The following PCDHA12 variants were observed in gnomAD, a reference collection of about 807,000 sequenced individuals.
PCDHA12 encodes the protein protocadherin alpha-12.
PCDHA12 carries 44 observed loss-of-function variants against 60.0 expected under a neutral mutation model. The ratio of observed to expected loss-of-function variants is 0.73; its 90% confidence interval spans 0.58 to 0.94. The LOEUF (loss-of-function observed/expected upper bound fraction) is 0.94, where lower values mean the gene tolerates loss of function less well. Ranked by LOEUF, PCDHA12 falls within the 40% of genes least tolerant of loss-of-function variation. The probability of loss-of-function intolerance (pLI) is 0.00; values close to 1 mark genes in which losing one functional copy is unlikely to be tolerated. For missense variants in PCDHA12, 1,276 were observed against 1,239.7 expected (o/e 1.03, Z -0.44); for synonymous variants, 569 against 553.0 (o/e 1.03, Z -0.40).
chr5:140,917,797 C>T (rs1174581148), intron 1 of PCDHA12, among the ~76,000 whole-genome samples: 2 of 151,940 alleles, frequency 1.3e-5, no homozygotes, highest in African/African-American at 4.8e-5. Flanking sequence ...GTTACTGTAG[C>T]CTTGCAGTAT....
At position 140,917,487 on chromosome 5, in the gene PCDHA12, A is replaced by T. The variant is rs1303002890; in HGVS notation, c.2367+39648A>T. Among the ~76,000 whole-genome samples, 3 of 152,232 alleles carry T rather than the reference A, an allele frequency of 2.0e-5. No individual in the cohort carries two copies. The East Asian group carries it at 5.8e-4, about 29-fold the overall frequency. The stretch of plus-strand genomic sequence containing the variant: ...TGTCATGAAATCTTTGCCAGGGCCT[A>T]TGCCCAGAATGATATTTTCTAGGTT... On this transcript the variant is annotated intron_variant, in intron 1 of 3. Coordinates refer to ENST00000398631, the MANE Select transcript of PCDHA12 (RefSeq NM_018903.4).
Position 140,883,733 on chromosome 5 carries a change from C to T in PCDHA12, c.2367+5894C>T, listed in dbSNP as rs1554179634. 2.5e-6 allele frequency: 4 copies of T among 1,613,458 alleles called. No individual in the cohort carries two copies. In the East Asian group the frequency reaches 6.7e-5, roughly 27 times the overall value. On this transcript the variant is annotated intron_variant, in intron 1 of 3. Coordinates refer to ENST00000398631, the MANE Select transcript of PCDHA12 (RefSeq NM_018903.4). ...GGACGCGGACGCACAGGAGAACGCG[C>T]TGGTCTCCTACTCGCTGGTGGAGCG...
At chr5:140,973,728 C>G (rs1193811831) in intron 1 of PCDHA12, among the ~76,000 whole-genome samples, 1 of 152,232 alleles carries the variant, frequency 6.6e-6, no homozygotes, top group African/African-American at 2.4e-5. Context: ...ACATGGGCAT[C>G]TGGTCTAACT....
At chr5:140,888,994 T>G (rs1486471421) in intron 1 of PCDHA12, among the ~76,000 whole-genome samples, 1 of 152,272 alleles carries the variant, frequency 6.6e-6, no homozygotes, top group African/African-American at 2.4e-5. Context: ...TATGATTTTC[T>G]TATGGCAAAC....
intron 3 of PCDHA12, among the ~76,000 whole-genome samples, chr5:140,990,685 C>T (rs1451672615): frequency 2.6e-5 from 4 of 152,252 alleles, no homozygotes; most frequent in South Asian, 4.1e-4. Context: ...AAGCTGCTTT[C>T]GGAGAGTCCA....
intron 3 of PCDHA12, among the ~76,000 whole-genome samples, chr5:140,996,441 C>G (rs2097726719): frequency 6.6e-6 from 1 of 152,146 alleles, no homozygotes; most frequent in Non-Finnish European, 1.5e-5. Context: ...TAGTCAGTGT[C>G]AAGTTGTGGT....
chr5:140,897,312 T>G (rs1367286366), intron 1 of PCDHA12, among the ~76,000 whole-genome samples: 12 of 150,180 alleles, frequency 8.0e-5, no homozygotes, highest in Non-Finnish European at 1.6e-4. Context: ...TAGGTATATC[T>G]CCTAAAGCTA....
chr5:140,940,361 A>T (rs1396183629), intron 1 of PCDHA12, among the ~76,000 whole-genome samples: 1 of 152,210 alleles, frequency 6.6e-6, no homozygotes, highest in Non-Finnish European at 1.5e-5. Flanking sequence ...TGCTATTAAA[A>T]GTATTCCTTG....
Position 140,964,245 on chromosome 5 carries a change from T to C in PCDHA12, c.2368-14704T>C, listed in dbSNP as rs549634734. On this transcript the variant is annotated intron_variant, in intron 1 of 3. Transcript: ENST00000398631. ...TCAAAATGAGGCTGATTGTGTTGGC[T>C]TTATATTTGACTCCTTAATAATTAA... is the stretch of plus-strand genomic sequence containing the variant. Among the ~76,000 whole-genome samples, 6 of 152,346 alleles carry C rather than the reference T, an allele frequency of 3.9e-5. No individual in the cohort carries two copies. In the East Asian group the frequency reaches 1.2e-3, roughly 29 times the overall value.
chr5:140,909,787 A>C (rs1299398218), intron 1 of PCDHA12, among the ~76,000 whole-genome samples: 2 of 152,156 alleles, frequency 1.3e-5, no homozygotes, highest in African/African-American at 4.8e-5. Flanking sequence ...ACCCACTCTA[A>C]GTCAGACTTC....
chr5:140,959,449 A>G (rs2095488988), intron 1 of PCDHA12, among the ~76,000 whole-genome samples: 1 of 152,196 alleles, frequency 6.6e-6, no homozygotes, highest in South Asian at 2.1e-4. Context: ...TTTTGTGCTG[A>G]AAAGCTGAAG....
Position 140,877,571 on chromosome 5 carries a change from T to C in PCDHA12, c.2099T>C (p.Leu700Pro). The C allele has an allele frequency of 6.2e-7, 1 of 1,613,760 alleles. No individual in the cohort carries two copies. Among genetic ancestry groups the C allele is most frequent in the African/African-American group, 1.3e-5 (1 of 75,044 alleles). ...GCTCTGGTGGATATTAACGTGTACC[T>C]CATCATCGCCATCTGTGCGGTGTCC... is the stretch of plus-strand genomic sequence containing the variant. The part of the protein sequence containing the change: ...EAALVDINVY[L>P]IIAICAVSSL... Residue 700 changes from leucine to proline, a missense_variant, in exon 1 of 4, where the codon CTC (leucine) becomes CCC (proline). Coordinates refer to ENST00000398631, the MANE Select transcript of PCDHA12 (RefSeq NM_018903.4).
chr5:141,000,379 CTCTCTCTCTCTCTCTCTA>C (rs1224441934), intron 3 of PCDHA12, among the ~76,000 whole-genome samples: 4 of 60,364 alleles, frequency 6.6e-5, no homozygotes, highest in Non-Finnish European at 9.2e-5. Flanking sequence ...CTCTCTCTCT[CTCTCTCTCTCTCTCTCTA>C]TATATATATA....
At chr5:140,909,312 A>AT (rs1365428416) in intron 1 of PCDHA12, among the ~76,000 whole-genome samples, 1 of 152,244 alleles carries the variant, frequency 6.6e-6, no homozygotes, top group Non-Finnish European at 1.5e-5. Context: ...AGAAAAAGGC[A>AT]TTTGCCAAAT....
chr5:140,926,705 G>A (rs1269250825), intron 1 of PCDHA12: 2 of 849,690 alleles, frequency 2.4e-6, no homozygotes, highest in Non-Finnish European at 3.3e-6. Context: ...GCTCCCAGCT[G>A]GCCAGCCCCG....
At chr5:140,918,046 G>A (rs1159911161) in intron 1 of PCDHA12, among the ~76,000 whole-genome samples, 2 of 152,006 alleles carry the variant, frequency 1.3e-5, no homozygotes, top group African/African-American at 4.8e-5. Flanking sequence ...CTTTCCATTT[G>A]TTTTATCATC....
intron 3 of PCDHA12, among the ~76,000 whole-genome samples, chr5:141,000,361 GTCTCTC>G (rs148596731): frequency 0.13 from 3,495 of 26,124 alleles, 319 homozygotes; most frequent in Middle Eastern, 0.15. Context: ...GTCTCTCTCT[GTCTCTC>G]TCTCTCTCTC....
chr5:141,008,871 C>T (rs1249220900), intron 3 of PCDHA12, among the ~76,000 whole-genome samples: 2 of 152,168 alleles, frequency 1.3e-5, no homozygotes, highest in African/African-American at 4.8e-5. Context: ...TGCTGCATCC[C>T]ACCACCCTTC....
At chr5:140,973,263 A>G (rs1458697392) in intron 1 of PCDHA12, among the ~76,000 whole-genome samples, 1 of 152,136 alleles carries the variant, frequency 6.6e-6, no homozygotes, top group Admixed American at 6.5e-5. Flanking sequence ...AGTGGCACCT[A>G]CTTTTATTTC....
Sources: allele counts gnomAD v4.1 joint callset (sites outside exome capture counted in the v4.1 genomes callset), GRCh38; gene constraint gnomAD v4.1.1; transcripts MANE v1.5; gene names NCBI Gene and HGNC (gene_info 2026-07-23, HGNC 2026-07-21).